IQSEC1: variants seen among roughly 807,000 people sequenced by gnomAD.
The protein encoded by IQSEC1 is IQ motif and SEC7 domain-containing protein 1.
A neutral mutation model predicts 91.0 loss-of-function variants in IQSEC1; 31 were observed. The ratio of observed to expected loss-of-function variants is 0.34; its 90% confidence interval spans 0.26 to 0.46. The LOEUF (loss-of-function observed/expected upper bound fraction) is 0.46. Ranked by LOEUF, IQSEC1 falls within the 20% of genes least tolerant of loss-of-function variation. The pLI is 1.00. For synonymous variants in IQSEC1, 699 were observed against 662.6 expected, an observed-to-expected ratio of 1.05 and a Z score of -0.84; for missense variants, 1,388 against 1,575.6, an observed-to-expected ratio of 0.88 and a Z score of 2.02.
intron 1 of IQSEC1, among the ~76,000 whole-genome samples, chr3:13,050,160 G>A (rs1439002000): frequency 6.6e-6 from 1 of 150,672 alleles, no homozygotes; most frequent in African/African-American, 2.4e-5. Context: ...AGCTAGGACT[G>A]GCTCTGAATG....
chr3:13,138,912 T>G (rs550710673), intron 2 of IQSEC1, among the ~76,000 whole-genome samples: 6 of 151,952 alleles, frequency 3.9e-5, no homozygotes, highest in Non-Finnish European at 7.4e-5. Flanking sequence ...CCCCTCCAGA[T>G]GTTCATGGCA....
rs976081834 is a variant in IQSEC1, at chr3:12,899,564, C to T, written c.*1419G>A. On this transcript the variant is annotated 3_prime_UTR_variant, in exon 14 of 14. Transcript: ENST00000613206. ...AGCTGAGAGTCATGTGATGCCCTGG[C>T]AGCTCACTGGACCATGGGAAGGCAG... 4 of 1,493,664 alleles carry T rather than the reference C, an allele frequency of 2.7e-6. No homozygotes were observed. Among genetic ancestry groups the T allele is most frequent in the Admixed American group, 4.5e-5 (2 of 44,940 alleles). 92.5% of individuals were successfully genotyped at this position (1,493,664 alleles called of 1,614,324 possible).
At chr3:12,911,749 A>G in intron 9 of IQSEC1, 21 bp from the exon 10 acceptor site, 1 of 1,544,440 alleles carries the variant, frequency 6.5e-7, no homozygotes, top group African/African-American at 1.4e-5. Flanking sequence ...CCAGAGACAG[A>G]GCTGAGCTAC....
intron 1 of IQSEC1, among the ~76,000 whole-genome samples, chr3:13,036,631 G>A (rs143310139): frequency 1.3e-5 from 2 of 152,222 alleles, no homozygotes; most frequent in Non-Finnish European, 2.9e-5. Flanking sequence ...GGGCATCAGC[G>A]GTGTGGGGGG....
At chr3:13,122,830 G>A (rs1706447224) in intron 2 of IQSEC1, among the ~76,000 whole-genome samples, 1 of 152,166 alleles carries the variant, frequency 6.6e-6, no homozygotes, top group African/African-American at 2.4e-5. Context: ...CAGGATTCCA[G>A]ACCCTCGAGG....
At chr3:12,993,101 A>ACCTG (rs1702062570) in intron 1 of IQSEC1, among the ~76,000 whole-genome samples, 1 of 152,034 alleles carries the variant, frequency 6.6e-6, no homozygotes, top group African/African-American at 2.4e-5. Context: ...CCCTGCTGCC[A>ACCTG]CCTGCCCCCT....
rs554270470 is a variant in IQSEC1 at position 13,095,442 on chromosome 3, C to T, written c.303-47920G>A. On this transcript the variant is annotated intron_variant, in intron 2 of 15. Transcript: ENST00000648114. ...TAGGGAAGTGCTGGCTTCGTGGAAA[C>T]AGCAGCACCGGGGGCTGATGGACAG... 3.9e-5 allele frequency among the ~76,000 whole-genome samples: 6 copies of T among 152,294 alleles called. No individual in the cohort carries two copies. The South Asian group carries it at 1.0e-3, about 26-fold the overall frequency.
chr3:13,035,119 C>T (rs116291123), intron 1 of IQSEC1, among the ~76,000 whole-genome samples: 9 of 152,336 alleles, frequency 5.9e-5, no homozygotes, highest in African/African-American at 2.2e-4. Flanking sequence ...AGTGGTGGCA[C>T]AGGGCCATGG....
chr3:13,102,725 T>A (rs1208762847), intron 2 of IQSEC1, among the ~76,000 whole-genome samples: 1 of 152,102 alleles, frequency 6.6e-6, no homozygotes, highest in African/African-American at 2.4e-5. Context: ...TGTGCAGCCT[T>A]CCCTGCTTGG....
At chr3:13,131,833 C>T (rs771597755) in intron 2 of IQSEC1, among the ~76,000 whole-genome samples, 2 of 152,032 alleles carry the variant, frequency 1.3e-5, no homozygotes, top group Non-Finnish European at 2.9e-5. Context: ...TTTTTGGTTC[C>T]ATTTTTGCTC....
chr3:12,916,596 C>T (rs952780920), intron 6 of IQSEC1, among the ~76,000 whole-genome samples: 5 of 152,186 alleles, frequency 3.3e-5, no homozygotes, highest in Non-Finnish European at 2.9e-5. Flanking sequence ...TGCTCCAACC[C>T]GGGGTAGGCA....
rs377052248 is a variant in IQSEC1, at chr3:13,140,179, C to T, written c.302+23925G>A. ...GGCAGTCTTCCTTGCCTTCCCTCTG[C>T]CTGGCATCCCTTATCCTCATGACCT... On this transcript the variant is annotated intron_variant, in intron 2 of 15. Coordinates refer to the IQSEC1 transcript ENST00000648114. Among the ~76,000 whole-genome samples, 248 of 152,286 alleles carry T rather than the reference C, an allele frequency of 1.6e-3. 1 individual carries two copies. Among genetic ancestry groups the T allele is most frequent in the South Asian group, 0.015 (74 of 4,826 alleles).
chr3:13,049,261 C>T (rs1248647667), intron 1 of IQSEC1, among the ~76,000 whole-genome samples: 3 of 152,310 alleles, frequency 2.0e-5, no homozygotes, highest in African/African-American at 2.4e-5. Context: ...TACGATGCGA[C>T]GAAAATACTG....
chr3:13,225,318 C>T (rs116230535), intron 1 of IQSEC1, among the ~76,000 whole-genome samples: 237 of 152,304 alleles, frequency 1.6e-3, no homozygotes, highest in African/African-American at 5.3e-3. Context: ...AATGGTACTT[C>T]GGATAACACT....
intron 2 of IQSEC1, among the ~76,000 whole-genome samples, chr3:13,133,805 G>C (rs994082169): frequency 3.3e-5 from 5 of 152,360 alleles, no homozygotes; most frequent in African/African-American, 1.2e-4. Context: ...CCAGCTGGCA[G>C]GGAGGGTTGG....
intron 1 of IQSEC1, among the ~76,000 whole-genome samples, chr3:12,986,738 A>C (rs1045737389): frequency 1.3e-4 from 20 of 152,244 alleles, no homozygotes; most frequent in Non-Finnish European, 2.4e-4. Flanking sequence ...GGCACTGAAG[A>C]GGACGAGGAG....
chr3:13,112,444 G>A (rs564770126), intron 2 of IQSEC1, among the ~76,000 whole-genome samples: 3 of 152,352 alleles, frequency 2.0e-5, no homozygotes, highest in African/African-American at 7.2e-5. Context: ...ATGGGAGGTG[G>A]CGCTCACTCT....
intron 1 of IQSEC1, among the ~76,000 whole-genome samples, chr3:13,030,489 G>A (rs1182434239): frequency 6.6e-6 from 1 of 152,154 alleles, no homozygotes; most frequent in Non-Finnish European, 1.5e-5. Flanking sequence ...TTAAAAAATT[G>A]GACCTGAGTC....
intron 1 of IQSEC1, among the ~76,000 whole-genome samples, chr3:13,184,831 C>G (rs778819722): frequency 1.3e-5 from 2 of 152,102 alleles, no homozygotes; most frequent in Non-Finnish European, 2.9e-5. Context: ...AGTGAAAAAG[C>G]AAGGGAGCGA....
Sources: allele counts gnomAD v4.1 joint callset (sites outside exome capture counted in the v4.1 genomes callset), GRCh38; gene constraint gnomAD v4.1.1; transcripts MANE v1.5; gene names NCBI Gene and HGNC (gene_info 2026-07-23, HGNC 2026-07-21).